ENKUR: variants seen among roughly 807,000 people sequenced by gnomAD.
ENKUR encodes enkurin.
ENKUR carries 19 observed loss-of-function variants against 27.6 expected under a neutral mutation model. The observed-to-expected ratio is 0.69, with a 90% CI of 0.48 to 1.01. The LOEUF is 1.01. Ranked by LOEUF, ENKUR falls within the 50% of genes least tolerant of loss-of-function variation. The pLI is 0.00. For missense variants in ENKUR, 312 were observed against 310.5 expected, an observed-to-expected ratio of 1.00 and a Z score of -0.04; for synonymous variants, 117 against 96.9, an observed-to-expected ratio of 1.21 and a Z score of -1.22.
rs371675405 is a variant in ENKUR at position 25,015,853 on chromosome 10, C to T, written c.77+7G>A. On this transcript the variant is annotated splice_region_variant and intron_variant, in intron 1 of 5. Coordinates refer to ENST00000331161, the MANE Select transcript of ENKUR (RefSeq NM_145010.4). Reference sequence around the variant, plus strand: ...TTTCAAGTGATAGTCTTTGCTTATCCACATACCTAGGAGGCTGGGGAGGCT... The same window carrying T: ...TTTCAAGTGATAGTCTTTGCTTATCTACATACCTAGGAGGCTGGGGAGGCT... The T allele has an allele frequency of 3.5e-5, 56 of 1,597,618 alleles. No individual in the cohort carries two copies. Among genetic ancestry groups the T allele is most frequent in the Non-Finnish European group, 4.4e-5 (52 of 1,171,940 alleles).
At chr10:25,043,851 T>C (rs537514090) in intron 2 of ENKUR, among the ~76,000 whole-genome samples, 5 of 152,084 alleles carry the variant, frequency 3.3e-5, no homozygotes, top group African/African-American at 1.2e-4. Context: ...CTTTCTTCTG[T>C]TGTTATTAAT....
intron 1 of ENKUR, among the ~76,000 whole-genome samples, chr10:25,003,130 T>C (rs1850227436): frequency 6.6e-6 from 1 of 152,052 alleles, no homozygotes; most frequent in Admixed American, 6.5e-5. Flanking sequence ...CAATAAATTT[T>C]CCAGAATAAA....
rs201404621 is a variant in ENKUR, at chr10:24,995,143, A to AAAACCT, written c.447+502_447+503insAGGTTT. ...TACTTTCAAGTCTTTACCCAAAACC[A>AAAACCT]AAACCAAATAAATATATTCATGTTA... On this transcript the variant is annotated intron_variant, in intron 3 of 5. Transcript: ENST00000331161. Among the ~76,000 whole-genome samples the AAAACCT allele has an allele frequency of 5.8e-3, 879 of 152,326 alleles. 6 individuals carry two copies. The highest frequency in any genetic ancestry group is 0.02 in the Middle Eastern group (6 of 294).
upstream of ENKUR, among the ~76,000 whole-genome samples, chr10:25,017,422 G>A (rs1351981498): frequency 6.6e-6 from 1 of 152,106 alleles, no homozygotes; most frequent in African/African-American, 2.4e-5. Flanking sequence ...CTGCCCGAAG[G>A]AAATAAAGCT....
chr10:24,987,415 T>C (rs192169466), intron 4 of ENKUR, among the ~76,000 whole-genome samples: 2 of 152,098 alleles, frequency 1.3e-5, no homozygotes, highest in East Asian at 3.9e-4. Flanking sequence ...GGGAGGAGGA[T>C]TGCTTGAGGC....
chr10:25,050,688 G>C (rs138963494), intron 2 of ENKUR, among the ~76,000 whole-genome samples: 1 of 152,216 alleles, frequency 6.6e-6, no homozygotes, highest in Non-Finnish European at 1.5e-5. Context: ...ACAAGGAGCT[G>C]GGGTGATAAG....
At chr10:25,039,460 C>T (rs1370646560) in intron 2 of ENKUR, among the ~76,000 whole-genome samples, 1 of 152,058 alleles carries the variant, frequency 6.6e-6, no homozygotes, top group Non-Finnish European at 1.5e-5. Context: ...CATGCCTGTA[C>T]TCCTAGCTAC....
intron 4 of ENKUR, among the ~76,000 whole-genome samples, chr10:24,987,814 C>CT (rs1174107541): frequency 6.6e-5 from 10 of 152,088 alleles, no homozygotes; most frequent in Non-Finnish European, 1.2e-4. Context: ...AAATCAAACT[C>CT]TAAGTTCACT....
chr10:25,052,871 C>T (rs963026936), intron 2 of ENKUR, among the ~76,000 whole-genome samples: 1 of 151,860 alleles, frequency 6.6e-6, no homozygotes, highest in Non-Finnish European at 1.5e-5. Context: ...CTGGGTTCAA[C>T]TGATTTTCCT....
At chr10:25,001,957 G>A (rs1850197152) in intron 1 of ENKUR, among the ~76,000 whole-genome samples, 1 of 152,098 alleles carries the variant, frequency 6.6e-6, no homozygotes, top group African/African-American at 2.4e-5. Flanking sequence ...GTTTGTTGCT[G>A]AATTTTTCTC....
chr10:25,039,948 A>T (rs1851044034), intron 2 of ENKUR, among the ~76,000 whole-genome samples: 1 of 151,802 alleles, frequency 6.6e-6, no homozygotes, highest in South Asian at 2.1e-4. Flanking sequence ...AAAAAAAAAA[A>T]AAAAAAAGTA....
intron 1 of ENKUR, among the ~76,000 whole-genome samples, chr10:25,001,273 C>T (rs1014111333): frequency 1.3e-5 from 2 of 151,312 alleles, no homozygotes; most frequent in African/African-American, 2.4e-5. Flanking sequence ...TTTTCTTCTT[C>T]TTCTATATAA....
intron 2 of ENKUR, among the ~76,000 whole-genome samples, chr10:25,038,262 C>G (rs1189689028): frequency 6.6e-6 from 1 of 152,200 alleles, no homozygotes; most frequent in Non-Finnish European, 1.5e-5. Context: ...AGTCTGATAA[C>G]TGTCTGAAAG....
At chr10:25,039,409 A>C (rs909953303) in intron 2 of ENKUR, among the ~76,000 whole-genome samples, 1 of 152,104 alleles carries the variant, frequency 6.6e-6, no homozygotes. Flanking sequence ...GCAGTACCCC[A>C]TCTCTACAAA....
At chr10:24,988,760 C>T (rs1287299203) in intron 4 of ENKUR, among the ~76,000 whole-genome samples, 1 of 108,190 alleles carries the variant, frequency 9.2e-6, no homozygotes, top group African/African-American at 3.7e-5. Context: ...TTTGGAATCA[C>T]TAGACCAGAT....
rs763120942 is a variant in ENKUR, at chr10:25,024,614, T to C, written c.38-28745A>G. 1.2e-5 allele frequency: 19 copies of C among 1,614,122 alleles called. 1 individual carries two copies. The South Asian group carries it at 1.8e-4, about 15-fold the overall frequency. The stretch of plus-strand genomic sequence containing the variant: ...TTTCTTACTGTGGAATATGGAACAA[T>C]CTTAAGTTCGGCTAACTCCATAAAC... On this transcript the variant is annotated intron_variant, in intron 2 of 5. Coordinates refer to the ENKUR transcript ENST00000615958.
intron 3 of ENKUR, among the ~76,000 whole-genome samples, chr10:24,992,876 G>A (rs1849955757): frequency 6.6e-6 from 1 of 152,174 alleles, no homozygotes; most frequent in Admixed American, 6.5e-5. Flanking sequence ...AGTGAGACAG[G>A]CCAATCCACT....
chr10:25,045,878 C>A (rs993789439), intron 2 of ENKUR, among the ~76,000 whole-genome samples: 9 of 152,022 alleles, frequency 5.9e-5, no homozygotes, highest in South Asian at 2.1e-4. Flanking sequence ...AGCAATTCTA[C>A]CAAAGGTGTC....
chr10:25,027,353 G>A (rs1479700726), intron 2 of ENKUR, among the ~76,000 whole-genome samples: 6 of 43,982 alleles, frequency 1.4e-4, no homozygotes, highest in African/African-American at 4.0e-4. Context: ...CAAGACTCCC[G>A]TCTCAAAAAA....
Sources: gnomAD v4.1 joint callset for allele counts (sites outside exome capture counted in the v4.1 genomes callset) on GRCh38, gnomAD v4.1.1 for gene constraint, MANE v1.5 for transcripts, NCBI Gene and HGNC (gene_info 2026-07-23, HGNC 2026-07-21) for gene names.